The following PCDHGA4 variants were observed in gnomAD, a reference collection of about 807,000 sequenced individuals.
The protein encoded by PCDHGA4 is protocadherin gamma-A4.
PCDHGA4 carries 38 observed loss-of-function variants against 54.6 expected under a neutral mutation model. The observed-to-expected ratio is 0.70, with a 90% CI of 0.54 to 0.91. The LOEUF is 0.91. Ranked by LOEUF, PCDHGA4 falls within the 40% of genes least tolerant of loss-of-function variation. The pLI is 0.00. For synonymous variants in PCDHGA4, 511 were observed against 512.9 expected (o/e 1.00, Z 0.05); for missense variants, 1,298 against 1,220.9 (o/e 1.06, Z -0.94).
intron 1 of PCDHGA4, chr5:141,391,234 G>C (rs2092322160): frequency 6.6e-6 from 1 of 151,932 alleles, no homozygotes; most frequent in African/African-American, 2.4e-5. Context: ...CCTTTTGCTA[G>C]GTATATCTAA....
In PCDHGA4 at chr5:141,505,466, T is replaced by C. The variant is rs763151131; in HGVS notation, c.2647T>C (p.Leu883=). 1 of 1,614,200 alleles carries C rather than the reference T, an allele frequency of 6.2e-7. No individual in the cohort carries two copies. The highest frequency in any genetic ancestry group is 1.3e-5 in the African/African-American group (1 of 75,068). The part of the protein sequence containing the change: ...FDTEMLQAMI[L]ASASEAADGS... Reference sequence around the variant, plus strand: ...CACAGAGATGCTGCAAGCCATGATCTTGGCGTCCGCCAGTGGTAAGTGGTG... The same window carrying C: ...CACAGAGATGCTGCAAGCCATGATCCTGGCGTCCGCCAGTGGTAAGTGGTG... The change falls in exon 3 of 4, where the codon TTG becomes CTG. Residue 883 remains leucine, a synonymous_variant. Transcript: ENST00000571252.
chr5:141,419,968 T>G lies in PCDHGA4; in HGVS notation c.2514+62347T>G, dbSNP rs766617414. ...CCTTGGCCTTGATTTCTGTGCTCTT[T>G]CTCCTCGCGGTGATTCTAGCTATTG... is the stretch of plus-strand genomic sequence containing the variant. On this transcript the variant is annotated intron_variant, in intron 1 of 3. Transcript: ENST00000571252. The G allele has an allele frequency of 6.2e-6, 10 of 1,614,036 alleles. No homozygotes were observed. The South Asian group carries it at 1.1e-4, about 18-fold the overall frequency.
In PCDHGA4 at chr5:141,487,801, A is replaced by G. The variant is rs895741843; in HGVS notation, c.2515-7006A>G. The G allele has an allele frequency of 1.0e-5, 15 of 1,479,820 alleles. No individual in the cohort carries two copies. The highest frequency in any genetic ancestry group is 2.7e-6 in the Non-Finnish European group (3 of 1,095,672). The allele number at this position is 1,479,820 out of a possible 1,614,324, so 91.7% of individuals were successfully genotyped here. On this transcript the variant is annotated intron_variant, in intron 1 of 3. Coordinates refer to ENST00000571252, the MANE Select transcript of PCDHGA4 (RefSeq NM_018917.4). The surrounding 1 kb of genome is among the most constrained non-coding windows in gnomAD (Gnocchi z 5.0). ...GTTTCGTGAATTAACCAGAGTTGTC[A>G]CAGTTTAGCATTGGGGGCGGGTCAT... is the stretch of plus-strand genomic sequence containing the variant.
Position 141,490,121 on chromosome 5 carries a change from G to A in PCDHGA4, c.2515-4686G>A. On this transcript the variant is annotated intron_variant, in intron 1 of 3. Coordinates refer to ENST00000571252, the MANE Select transcript of PCDHGA4 (RefSeq NM_018917.4). The surrounding 1 kb of genome is among the most constrained non-coding windows in gnomAD (Gnocchi z 5.4). Reference sequence around the variant, plus strand: ...TCTGAGGCAGTGCGGAACCTCTTTGGCCTAGACCCTAGCAGTGGGGCAATC... The same window carrying A: ...TCTGAGGCAGTGCGGAACCTCTTTGACCTAGACCCTAGCAGTGGGGCAATC... 1 of 1,614,256 alleles carries A rather than the reference G, an allele frequency of 6.2e-7. No individual in the cohort carries two copies. Among genetic ancestry groups the A allele is most frequent in the Non-Finnish European group, 8.5e-7 (1 of 1,180,052 alleles).
chr5:141,465,171 G>T (rs969390966), intron 1 of PCDHGA4, among the ~76,000 whole-genome samples: 1 of 151,728 alleles, frequency 6.6e-6, no homozygotes, highest in Non-Finnish European at 1.5e-5. Flanking sequence ...TGTTTATGAA[G>T]AAATTTAATT....
intron 1 of PCDHGA4, chr5:141,423,382 C>A (rs1244632347): frequency 6.2e-7 from 1 of 1,614,118 alleles, no homozygotes; most frequent in Admixed American, 1.7e-5. Context: ...CAGGCTGTGG[C>A]GCTGGCATAA....
chr5:141,418,085 A>C lies in PCDHGA4; in HGVS notation c.2514+60464A>C, dbSNP rs1235378254. On this transcript the variant is annotated intron_variant, in intron 1 of 3. Transcript: ENST00000571252. The stretch of plus-strand genomic sequence containing the variant: ...AGTGAGCGCGGAGAAGCTGCACTTC[A>C]GCGTAGACGCGCAGAGCGGGGACTT... The C allele has an allele frequency of 2.5e-6, 4 of 1,613,936 alleles. No homozygotes were observed. The highest frequency in any genetic ancestry group is 3.4e-6 in the Non-Finnish European group (4 of 1,179,908).
chr5:141,376,307 G>A, intron 1 of PCDHGA4: 1 of 1,614,192 alleles, frequency 6.2e-7, no homozygotes, highest in East Asian at 2.2e-5. Context: ...GCACTTTGTG[G>A]GCGTGGAAGG....
chr5:141,402,100 A>G (rs1589449876), intron 1 of PCDHGA4, among the ~76,000 whole-genome samples: 1 of 152,220 alleles, frequency 6.6e-6, no homozygotes, highest in South Asian at 2.1e-4. Flanking sequence ...AGTTTAAGCA[A>G]TTACAAAAAT....
At position 141,356,963 on chromosome 5, in the gene PCDHGA4, T is replaced by C; in HGVS notation, c.1856T>C (p.Val619Ala). The C allele has an allele frequency of 6.2e-7, 1 of 1,614,226 alleles. No homozygotes were observed. The highest frequency in any genetic ancestry group is 8.5e-7 in the Non-Finnish European group (1 of 1,180,042). ...CGCTCCGCAGATTCCGGCTACCTGGTGACCAAAGTGGTGGCAGTGGACAGA... is the reference window on the plus strand; with the variant it reads ...CGCTCCGCAGATTCCGGCTACCTGGCGACCAAAGTGGTGGCAGTGGACAGA... ...APRSADSGYL[V>A]TKVVAVDRDS... The change falls in exon 1 of 4, where the codon GTG becomes GCG. Residue 619 changes from valine (V) to alanine (A), a missense_variant. Val to Ala is a moderately conservative substitution (Grantham distance 64). Transcript: ENST00000571252.
At position 141,400,328 on chromosome 5, in the gene PCDHGA4, T is replaced by A. The variant is rs754904671; in HGVS notation, c.2514+42707T>A. ...GGTCTCTGTGTCAAGTCTGGACCTG[T>A]GGTTCCCCCCAACTACAGTCAGGGG... On this transcript the variant is annotated intron_variant, in intron 1 of 3. Coordinates refer to ENST00000571252, the MANE Select transcript of PCDHGA4 (RefSeq NM_018917.4). 80 of 1,613,976 alleles carry A rather than the reference T, an allele frequency of 5.0e-5. No homozygotes were observed. Among genetic ancestry groups the A allele is most frequent in the Non-Finnish European group, 6.4e-5 (76 of 1,179,916 alleles).
intron 1 of PCDHGA4, chr5:141,418,432 T>A: frequency 6.2e-7 from 1 of 1,613,956 alleles, no homozygotes; most frequent in East Asian, 2.2e-5. Context: ...GTGGCAAATA[T>A]CCAGAATTAG....
rs774071540 is a variant in PCDHGA4, at chr5:141,511,042, G to A, written c.2758G>A (p.Asp920Asn). 8 of 1,614,064 alleles carry A rather than the reference G, an allele frequency of 5.0e-6. No homozygotes were observed. Among genetic ancestry groups the A allele is most frequent in the Non-Finnish European group, 6.8e-6 (8 of 1,180,016 alleles). Residue 920 changes from aspartate to asparagine, a missense_variant, in exon 4 of 4, where the codon GAC becomes AAC. Physicochemically the swap from Asp to Asn is conservative, Grantham distance 23. Coordinates refer to ENST00000571252, the MANE Select transcript of PCDHGA4 (RefSeq NM_018917.4). Reference sequence around the variant, plus strand: ...CCAGTTCACCCTGCAGCACGTGCCCGACTACCGCCAGAATGTCTACATCCC... The same window carrying A: ...CCAGTTCACCCTGCAGCACGTGCCCAACTACCGCCAGAATGTCTACATCCC... ...GPQFTLQHVPDYRQNVYIPGS... is the reference protein window; with the variant it reads ...GPQFTLQHVPNYRQNVYIPGS...
In PCDHGA4 at chr5:141,414,949, G is replaced by A. The variant is rs774769957; in HGVS notation, c.2514+57328G>A. On this transcript the variant is annotated intron_variant, in intron 1 of 3. Transcript: ENST00000571252. ...CCGCTCCGCAGAGCCCGGCTACCTGGTGACCAAGGTGGTGGCGGTGGACAG... is the reference window on the plus strand; with the variant it reads ...CCGCTCCGCAGAGCCCGGCTACCTGATGACCAAGGTGGTGGCGGTGGACAG... The A allele has an allele frequency of 8.1e-6, 13 of 1,614,096 alleles. 1 individual carries two copies. The South Asian group carries it at 1.4e-4, about 18-fold the overall frequency.
chr5:141,375,217 G>A (rs758328831), intron 1 of PCDHGA4: 2 of 1,613,968 alleles, frequency 1.2e-6, no homozygotes, highest in South Asian at 2.2e-5. Context: ...ACTCTGGCCT[G>A]AATGGCCTGG....
intron 1 of PCDHGA4, chr5:141,408,968 C>T (rs752629281): frequency 6.2e-7 from 1 of 1,613,702 alleles, no homozygotes; most frequent in Non-Finnish European, 8.5e-7. Context: ...TGAAAATCTG[C>T]CCCCTGGGTC....
intron 1 of PCDHGA4, among the ~76,000 whole-genome samples, chr5:141,438,629 TATATATACACACAC>T (rs1468553117): frequency 3.8e-3 from 181 of 48,054 alleles, no homozygotes; most frequent in Non-Finnish European, 5.4e-3. Flanking sequence ...TATATATATA[TATATATACACACAC>T]ACACACACAT....
intron 1 of PCDHGA4, among the ~76,000 whole-genome samples, chr5:141,370,068 G>A (rs988277757): frequency 9.9e-5 from 15 of 152,192 alleles, no homozygotes; most frequent in Non-Finnish European, 1.9e-4. Flanking sequence ...TTTTAAAATG[G>A]GAAGAAAGTA....
At position 141,486,543 on chromosome 5, in the gene PCDHGA4, A is replaced by G; in HGVS notation, c.2515-8264A>G. Reference sequence around the variant, plus strand: ...AATGATAATCCACCCTCTTTCTTTCAGAGGTCACATGAGGTGTTTGTTCCT... The same window carrying G: ...AATGATAATCCACCCTCTTTCTTTCGGAGGTCACATGAGGTGTTTGTTCCT... On this transcript the variant is annotated intron_variant, in intron 1 of 3. Transcript: ENST00000571252. This position sits in a 1 kb window ranked among gnomAD's most constrained non-coding sequence, Gnocchi z 5.0. 6.2e-7 allele frequency: 1 copy of G among 1,614,080 alleles called. No individual in the cohort carries two copies. Among genetic ancestry groups the G allele is most frequent in the Non-Finnish European group, 8.5e-7 (1 of 1,180,020 alleles).
Sources: gnomAD v4.1 joint callset for allele counts (sites outside exome capture counted in the v4.1 genomes callset) on GRCh38, gnomAD v4.1.1 for gene constraint, Gnocchi (gnomAD v3.1) non-coding constraint, MANE v1.5 for transcripts, NCBI Gene and HGNC (gene_info 2026-07-23, HGNC 2026-07-21) for gene names.